SLC23A1: variants seen among roughly 807,000 people sequenced by gnomAD.
SLC23A1 encodes Na(+)/L-ascorbic acid transporter 1.
Under a neutral mutation model 62.5 loss-of-function variants are expected in SLC23A1, and 31 were observed. The ratio of observed to expected loss-of-function variants is 0.50; its 90% CI spans 0.37 to 0.67. The LOEUF is 0.67. SLC23A1 is among the 30% of genes least tolerant of loss of function. SLC23A1 has a pLI of 0.00. For synonymous variants in SLC23A1, 271 were observed against 313.2 expected (o/e 0.87, Z 1.42); for missense variants, 640 against 782.7 (o/e 0.82, Z 2.18).
At chr5:139,368,897 C>T in intron 14 of SLC23A1, 1 of 894,288 alleles carries the variant, frequency 1.1e-6, no homozygotes, top group East Asian at 2.5e-5. Flanking sequence ...CACTGTGTTA[C>T]ACTTATGCAT....
chr5:139,377,532 G>A, intron 12 of SLC23A1, 35 bp from the exon 13 acceptor site: 2 of 1,147,648 alleles, frequency 1.7e-6, no homozygotes, highest in Non-Finnish European at 2.6e-6. Context: ...GGGTGTCATG[G>A]CCCAATCTGG....
chr5:139,374,224 C>T (rs1757831569), intron 13 of SLC23A1, among the ~76,000 whole-genome samples: 2 of 152,186 alleles, frequency 1.3e-5, no homozygotes. Flanking sequence ...CTGAACTAAA[C>T]GGACTGCCCT....
chr5:139,380,708 C>T, intron 4 of SLC23A1, 76 bp from the exon 5 acceptor site: 2 of 1,474,674 alleles, frequency 1.4e-6, no homozygotes, highest in Non-Finnish European at 1.9e-6. Flanking sequence ...GCCATGGCTG[C>T]ACCCTGGTGT....
Position 139,379,069 on chromosome 5 carries a change from G to T in SLC23A1, c.1073+138C>A. 1.2e-6 allele frequency: 1 copy of T among 850,638 alleles called. No individual in the cohort carries two copies. The highest frequency in any genetic ancestry group is 1.9e-6 in the Non-Finnish European group (1 of 522,678). The allele number at this position is 850,638 out of a possible 1,614,324, so 52.7% of individuals were successfully genotyped here. A position where few individuals can be genotyped will look rare whatever the true frequency, so the allele number is the denominator to read the frequency against. ...GGGGTGATGAGAGGGCACCCCCATC[G>T]CACAAACAAGGAGAATGAGGTCTGG... On this transcript the variant is annotated intron_variant, in intron 9 of 14. Coordinates refer to ENST00000348729, the MANE Select transcript of SLC23A1 (RefSeq NM_005847.5). The surrounding 1 kb of genome is among the most constrained non-coding windows in gnomAD (Gnocchi z 4.7).
At chr5:139,383,446 C>A, upstream of SLC23A1, 1 of 1,253,734 alleles carries the variant, frequency 8.0e-7, no homozygotes, top group Non-Finnish European at 1.0e-6. Flanking sequence ...GTAAAAGCCA[C>A]CCAAGCCTCT....
At chr5:139,370,268 T>G (rs967849746) in intron 14 of SLC23A1, among the ~76,000 whole-genome samples, 1 of 152,132 alleles carries the variant, frequency 6.6e-6, no homozygotes, top group African/African-American at 2.4e-5. Flanking sequence ...CCTCCCAGGT[T>G]CAAGTGATTC....
chr5:139,383,090 T>C, intron 1 of SLC23A1, 128 bp downstream of exon 1: 1 of 637,760 alleles, frequency 1.6e-6, no homozygotes, highest in Non-Finnish European at 2.5e-6. Context: ...CACATTCAAT[T>C]TGGGACAGTC....
At chr5:139,368,351 A>C (rs116669179) in intron 14 of SLC23A1, among the ~76,000 whole-genome samples, 2,464 of 151,464 alleles carry the variant, frequency 0.016, 28 homozygotes, top group Non-Finnish European at 0.027. Context: ...TAAAAAAAAA[A>C]CTAAATAAAT....
upstream of SLC23A1, among the ~76,000 whole-genome samples, chr5:139,383,769 C>T (rs1375157746): frequency 6.6e-6 from 1 of 152,222 alleles, no homozygotes; most frequent in African/African-American, 2.4e-5. Flanking sequence ...GCGGTATTAA[C>T]CCCTTTAACA....
chr5:139,372,446 C>G (rs1301816162), intron 13 of SLC23A1, among the ~76,000 whole-genome samples, 193 bp from the exon 14 acceptor site: 1 of 152,162 alleles, frequency 6.6e-6, no homozygotes, highest in African/African-American at 2.4e-5. Flanking sequence ...CTAAAGGATA[C>G]TAGTTATAGT....
upstream of SLC23A1, among the ~76,000 whole-genome samples, chr5:139,383,615 C>A (rs1197208075): frequency 6.6e-6 from 1 of 152,142 alleles, no homozygotes; most frequent in Non-Finnish European, 1.5e-5. Flanking sequence ...ATTATGTAAC[C>A]CCCTGTATGA....
upstream of SLC23A1, among the ~76,000 whole-genome samples, chr5:139,383,891 C>T (rs1758407026): frequency 6.6e-6 from 1 of 152,198 alleles, no homozygotes; most frequent in South Asian, 2.1e-4. Context: ...CCCTCACCAC[C>T]CTGCACCCCT....
rs1157304716 is a variant in SLC23A1 at position 139,382,027 on chromosome 5, C to T, written c.173G>A (p.Gly58Asp). The change falls in exon 3 of 15, where the codon GGT (glycine) becomes GAT (aspartate). Residue 58 changes from glycine to aspartate, a missense_variant. By Grantham distance (94) the Gly-to-Asp change is moderately conservative. Coordinates refer to ENST00000348729, the MANE Select transcript of SLC23A1 (RefSeq NM_005847.5). ...CAGCAGGAAGGGCACGGCGATGGTA[C>T]CACTGAAGCATGTCAGGTAGTGCTG... ...GFQHYLTCFSGTIAVPFLLAE... is the reference protein window; with the variant it reads ...GFQHYLTCFSDTIAVPFLLAE... 1.2e-6 allele frequency: 2 copies of T among 1,609,328 alleles called. No homozygotes were observed. The highest frequency in any genetic ancestry group is 1.7e-6 in the Non-Finnish European group (2 of 1,177,886).
chr5:139,375,018 A>AT (rs1213730102), intron 13 of SLC23A1, among the ~76,000 whole-genome samples: 1 of 152,158 alleles, frequency 6.6e-6, no homozygotes. Context: ...ATTCTGCCTA[A>AT]AATCCTACGG....
intron 14 of SLC23A1, among the ~76,000 whole-genome samples, chr5:139,370,787 A>T (rs374284252): frequency 1.3e-4 from 19 of 151,928 alleles, no homozygotes; most frequent in African/African-American, 4.4e-4. Context: ...AAAAAAATTT[A>T]AAAAAAGAAA....
intron 14 of SLC23A1, among the ~76,000 whole-genome samples, chr5:139,368,074 G>A (rs765130924): frequency 2.6e-5 from 4 of 152,182 alleles, no homozygotes; most frequent in African/African-American, 7.2e-5. Flanking sequence ...GGTGGCTTAC[G>A]CCTGTAATCC....
At chr5:139,382,244 T>C in intron 2 of SLC23A1, 195 bp from the exon 3 acceptor site, 1 of 614,630 alleles carries the variant, frequency 1.6e-6, no homozygotes, top group South Asian at 2.0e-5. Flanking sequence ...CTCAAGATAT[T>C]CCTGCGGCTT....
chr5:139,377,943 C>T (rs1314110463), intron 12 of SLC23A1, 32 bp downstream of exon 12: 3 of 1,605,896 alleles, frequency 1.9e-6, no homozygotes, highest in East Asian at 2.2e-5. Context: ...GGGCCCACCC[C>T]GCCTTTGGAG....
chr5:139,380,518 GC>G (rs1561980338), intron 5 of SLC23A1, 46 bp downstream of exon 5: 1 of 1,599,172 alleles, frequency 6.3e-7, no homozygotes, highest in Non-Finnish European at 8.6e-7. Context: ...CTCCCATATA[GC>G]CCCTCCTCAG....
Sources: allele counts gnomAD v4.1 joint callset (sites outside exome capture counted in the v4.1 genomes callset), GRCh38; gene constraint gnomAD v4.1.1; non-coding constraint Gnocchi (gnomAD v3.1); transcripts MANE v1.5; gene names NCBI Gene and HGNC (gene_info 2026-07-23, HGNC 2026-07-21).